The following FRMPD4 variants were observed in gnomAD, a reference collection of about 807,000 sequenced individuals.
FRMPD4 encodes FERM and PDZ domain-containing protein 4.
FRMPD4 carries 22 observed loss-of-function variants against 94.1 expected under a neutral mutation model. That is an observed-to-expected ratio of 0.23 (90% CI 0.17 to 0.33). The LOEUF (loss-of-function observed/expected upper bound fraction) is 0.33. Among genes scored for constraint, FRMPD4 ranks in the 10% least tolerant of loss-of-function variants. The pLI, the probability that FRMPD4 is intolerant of heterozygous loss-of-function variation, is 1.00. For missense variants in FRMPD4, 1,111 were observed against 1,339.9 expected (o/e 0.83, Z 2.67); for synonymous variants, 631 against 548.6 (o/e 1.15, Z -2.10).
At chrX:12,329,967 C>T (rs1329925206) in intron 1 of FRMPD4, among the ~76,000 whole-genome samples, 6 of 109,814 alleles carry the variant, frequency 5.5e-5, no homozygotes, top group East Asian at 2.9e-4. Flanking sequence ...AAGCTTTTTC[C>T]ACCCCAGCTG....
intron 1 of FRMPD4, among the ~76,000 whole-genome samples, chrX:12,447,463 A>T (rs2057212042): frequency 8.9e-6 from 1 of 111,923 alleles, no homozygotes; most frequent in Non-Finnish European, 1.9e-5. Flanking sequence ...AAGAATCACC[A>T]GTCTAAAGTA....
chrX:12,023,950 G>A (rs2054645483), intron 3 of FRMPD4, among the ~76,000 whole-genome samples: 1 of 111,547 alleles, frequency 9.0e-6, no homozygotes, highest in African/African-American at 3.3e-5. Context: ...TGGTGAAGAA[G>A]GTAGGGCTGG....
chrX:12,159,695 G>T (rs765991052), intron 1 of FRMPD4, among the ~76,000 whole-genome samples: 1 of 112,008 alleles, frequency 8.9e-6, no homozygotes, highest in African/African-American at 3.2e-5. Flanking sequence ...TAAAATTATG[G>T]CGCTATGCAA....
chrX:11,980,300 T>C (rs542648851), intron 3 of FRMPD4, among the ~76,000 whole-genome samples: 3 of 111,865 alleles, frequency 2.7e-5, no homozygotes, highest in African/African-American at 9.7e-5. Context: ...TTTAAGGCCT[T>C]CTTTTTTCCT....
chrX:12,641,195 G>T (rs1415523976), intron 4 of FRMPD4, among the ~76,000 whole-genome samples: 2 of 111,345 alleles, frequency 1.8e-5, no homozygotes, highest in Non-Finnish European at 3.8e-5. Flanking sequence ...TAGAGGGATG[G>T]GGAGTGGGAC....
chrX:12,660,389 C>G (rs1266427660), intron 4 of FRMPD4, among the ~76,000 whole-genome samples: 1 of 111,682 alleles, frequency 9.0e-6, no homozygotes, highest in Non-Finnish European at 1.9e-5. Flanking sequence ...CCCCTCTACC[C>G]CATTCTCCAC....
At chrX:12,625,271 G>T (rs186760251) in intron 4 of FRMPD4, among the ~76,000 whole-genome samples, 46 of 111,336 alleles carry the variant, frequency 4.1e-4, no homozygotes, top group African/African-American at 1.4e-3. Context: ...ATATTATCCA[G>T]CAATATCACT....
At position 12,204,463 on chromosome X, in the gene FRMPD4, C is replaced by T. The variant is rs372660506; in HGVS notation, c.41+65451C>T. On this transcript the variant is annotated intron_variant, in intron 1 of 16. Transcript: ENST00000675598. The stretch of plus-strand genomic sequence containing the variant: ...TTCGCTGTCCTCTGAGGTACGCTGC[C>T]GAAAAGTGAGGCCAGAGCTCTCTCC... Among the ~76,000 whole-genome samples, 37 of 111,505 alleles carry T rather than the reference C, an allele frequency of 3.3e-4. 1 individual carries two copies. The South Asian group carries it at 0.013, about 40-fold the overall frequency.
At chrX:12,417,430 T>A (rs1257198783) in intron 1 of FRMPD4, among the ~76,000 whole-genome samples, 9 of 108,041 alleles carry the variant, frequency 8.3e-5, no homozygotes, top group Non-Finnish European at 1.7e-4. Flanking sequence ...AGTACAAAAA[T>A]TAGCCGGGTA....
At chrX:12,289,875 G>A (rs922989707) in intron 1 of FRMPD4, among the ~76,000 whole-genome samples, 3 of 112,173 alleles carry the variant, frequency 2.7e-5, no homozygotes, top group Non-Finnish European at 5.6e-5. Flanking sequence ...CCTGAGAGGG[G>A]TTTAAAAGCA....
At chrX:12,025,203 T>C (rs1283065224) in intron 3 of FRMPD4, among the ~76,000 whole-genome samples, 2 of 109,440 alleles carry the variant, frequency 1.8e-5, no homozygotes, top group African/African-American at 3.3e-5. Context: ...CCCTTATCTC[T>C]CTTTCCATTT....
chrX:12,385,898 TC>T (rs2056391672), intron 1 of FRMPD4, among the ~76,000 whole-genome samples: 1 of 112,321 alleles, frequency 8.9e-6, no homozygotes, highest in Non-Finnish European at 1.9e-5. Flanking sequence ...GCTTTGTTTT[TC>T]TCACAGTAAG....
chrX:12,166,033 G>A (rs912862966), intron 1 of FRMPD4, among the ~76,000 whole-genome samples: 10 of 111,662 alleles, frequency 9.0e-5, no homozygotes, highest in Non-Finnish European at 1.7e-4. Context: ...CTAATTGAAT[G>A]CCCTTGATGT....
chrX:12,443,099 A>C (rs2057157356), intron 1 of FRMPD4, among the ~76,000 whole-genome samples: 1 of 111,399 alleles, frequency 9.0e-6, no homozygotes, highest in Non-Finnish European at 1.9e-5. Flanking sequence ...ATAGGGAGTG[A>C]CTGCTAACAG....
At chrX:12,432,327 A>G (rs1239412000) in intron 1 of FRMPD4, among the ~76,000 whole-genome samples, 1 of 112,564 alleles carries the variant, frequency 8.9e-6, no homozygotes, top group Non-Finnish European at 1.9e-5. Flanking sequence ...ATCCATTGTC[A>G]TGTAACAAAT....
chrX:11,996,876 C>T (rs1244418566), intron 3 of FRMPD4, among the ~76,000 whole-genome samples: 1 of 111,510 alleles, frequency 9.0e-6, no homozygotes, highest in Non-Finnish European at 1.9e-5. Flanking sequence ...AAAATCAGTG[C>T]TTAATTAAAT....
intron 1 of FRMPD4, among the ~76,000 whole-genome samples, chrX:11,824,176 C>T (rs914924255): frequency 1.1e-4 from 12 of 111,095 alleles, no homozygotes; most frequent in African/African-American, 3.6e-4. Context: ...AATTTGGTGG[C>T]GCCATCAGCA....
At chrX:11,851,158 C>T (rs2053619667) in intron 1 of FRMPD4, among the ~76,000 whole-genome samples, 1 of 111,499 alleles carries the variant, frequency 9.0e-6, no homozygotes, top group Non-Finnish European at 1.9e-5. Context: ...TTAAGCTCTT[C>T]CTACCTGAAG....
chrX:12,095,795 T>G (rs2055195050), intron 3 of FRMPD4, among the ~76,000 whole-genome samples: 1 of 112,476 alleles, frequency 8.9e-6, no homozygotes, highest in African/African-American at 3.2e-5. Context: ...AGAAGGCTAA[T>G]TCTTCATGCA....
Sources: allele counts gnomAD v4.1 joint callset (sites outside exome capture counted in the v4.1 genomes callset), GRCh38; gene constraint gnomAD v4.1.1; transcripts MANE v1.5; gene names NCBI Gene and HGNC (gene_info 2026-07-23, HGNC 2026-07-21).